The following TMT1A variants were observed in gnomAD, a reference collection of about 807,000 sequenced individuals.
The protein encoded by TMT1A is thiol methyltransferase 1A, also known as thiol S-methyltransferase TMT1A.
At chr12:50,929,897 T>C in the TMT1A span, 11 of 1,553,792 alleles carry the variant, frequency 7.1e-6, no homozygotes, top group South Asian at 9.5e-5. Flanking sequence ...ATGTTTTTTT[T>C]TTTCTTTCTT....
chr12:50,928,051 C>T, the TMT1A span, among the ~76,000 whole-genome samples: 1 of 152,202 alleles, frequency 6.6e-6, no homozygotes, highest in African/African-American at 2.4e-5. Flanking sequence ...TGTCCAACTT[C>T]TGGCCTCAAG....
the TMT1A span, chr12:50,925,516 G>A: frequency 6.2e-7 from 1 of 1,613,672 alleles, no homozygotes; most frequent in Non-Finnish European, 8.5e-7. Flanking sequence ...TCTCCGCGAG[G>A]TGTGCAGAGT....
At chr12:50,925,117 T>C in the TMT1A span, 2 of 1,614,190 alleles carry the variant, frequency 1.2e-6, no homozygotes, top group East Asian at 2.2e-5. Flanking sequence ...CTTTCTGGGC[T>C]TGTGGAGCTG....
chr12:50,925,420 G>C, the TMT1A span: 3 of 1,614,100 alleles, frequency 1.9e-6, no homozygotes, highest in East Asian at 2.2e-5. Flanking sequence ...AGCTGCCGGG[G>C]AGAACATGCA....
the TMT1A span, chr12:50,925,163 G>C: frequency 6.2e-7 from 1 of 1,614,170 alleles, no homozygotes; most frequent in Non-Finnish European, 8.5e-7. Flanking sequence ...TTCTTGGTGA[G>C]GTTCACTGTG....
chr12:50,927,028 A>AT, the TMT1A span, among the ~76,000 whole-genome samples: 22 of 152,128 alleles, frequency 1.4e-4, no homozygotes, highest in African/African-American at 4.8e-4. Flanking sequence ...CCCAGTTTTC[A>AT]TTTTTTGTTG....
the TMT1A span, chr12:50,925,589 G>GGCA: frequency 1.9e-6 from 3 of 1,548,486 alleles, no homozygotes; most frequent in Admixed American, 5.8e-5. Context: ...TATCATAGAG[G>GGCA]GCAGGCCTGT....
chr12:50,925,019 GT>G, the TMT1A span: 6 of 1,609,984 alleles, frequency 3.7e-6, no homozygotes, highest in East Asian at 2.2e-5. Context: ...CTGTTGATCT[GT>G]TTTTTTCCCT....
the TMT1A span, chr12:50,925,159 G>A: frequency 1.2e-6 from 2 of 1,614,126 alleles, no homozygotes; most frequent in East Asian, 4.5e-5. Flanking sequence ...CTACTTCTTG[G>A]TGAGGTTCAC....
At chr12:50,925,525 G>A in the TMT1A span, 17 of 1,613,004 alleles carry the variant, frequency 1.1e-5, no homozygotes, top group Non-Finnish European at 1.4e-5. Flanking sequence ...GGTGTGCAGA[G>A]TGCTGAGACC....
chr12:50,932,494 T>C, the TMT1A span: 1 of 152,282 alleles, frequency 6.6e-6, no homozygotes, highest in Non-Finnish European at 1.5e-5. Flanking sequence ...TTCACATTTG[T>C]GTTAGGAACA....
the TMT1A span, chr12:50,930,056 G>A: frequency 9.3e-6 from 15 of 1,613,898 alleles, no homozygotes; most frequent in African/African-American, 4.0e-5. Context: ...GCCCTGGAGC[G>A]GGCCAGCTTC....
chr12:50,931,674 G>C, the TMT1A span: 2 of 134,014 alleles, frequency 1.5e-5, no homozygotes, highest in African/African-American at 5.7e-5. Context: ...TCATGCCATT[G>C]TACTCTAGCC....
chr12:50,931,642 C>T, the TMT1A span: 8 of 140,342 alleles, frequency 5.7e-5, no homozygotes, highest in Non-Finnish European at 7.5e-5. Context: ...ACCCAGAAGG[C>T]GAAGGTTGCA....
chr12:50,931,091 T>C, the TMT1A span: 1 of 40,648 alleles, frequency 2.5e-5, no homozygotes, highest in South Asian at 1.5e-3. Context: ...TTCCAATTGC[T>C]TTTTTTTTTT....
chr12:50,932,191 T>C, the TMT1A span: 1 of 152,218 alleles, frequency 6.6e-6, no homozygotes, highest in Non-Finnish European at 1.5e-5. Context: ...CTTGAATAAT[T>C]AGGTATCCTA....
chr12:50,925,365 G>A, the TMT1A span: 1 of 1,614,210 alleles, frequency 6.2e-7, no homozygotes, highest in Admixed American at 1.7e-5. Context: ...TTTTGATCAA[G>A]AGCATTGCAG....
the TMT1A span, among the ~76,000 whole-genome samples, chr12:50,929,339 T>C: frequency 1.3e-5 from 2 of 152,198 alleles, no homozygotes; most frequent in East Asian, 3.8e-4. Flanking sequence ...ATCACTAAAC[T>C]GAATTCTCTC....
At chr12:50,929,033 T>C in the TMT1A span, among the ~76,000 whole-genome samples, 3 of 151,692 alleles carry the variant, frequency 2.0e-5, no homozygotes, top group South Asian at 2.1e-4. Context: ...AGCTCAGGAG[T>C]TCGAGACCAG....
Sources: gnomAD v4.1 joint callset for allele counts (sites outside exome capture counted in the v4.1 genomes callset) on GRCh38, gnomAD v4.1.1 for gene constraint, MANE v1.5 for transcripts, NCBI Gene and HGNC (gene_info 2026-07-23, HGNC 2026-07-21) for gene names.